Variants in PANK2 observed in about 807,000 individuals in gnomAD.
PANK2 encodes pantothenate kinase 2, mitochondrial.
A neutral mutation model predicts 43.1 loss-of-function variants in PANK2; 36 were observed. The ratio of observed to expected loss-of-function variants is 0.84; its 90% CI spans 0.64 to 1.10. The LOEUF is 1.10. Ranked by LOEUF, PANK2 falls within the 50% of genes least tolerant of loss-of-function variation. The pLI, the probability that PANK2 is intolerant of heterozygous loss-of-function variation, is 0.00. For synonymous variants in PANK2, 281 were observed against 238.2 expected (o/e 1.18, Z -1.66); for missense variants, 576 against 593.3 (o/e 0.97, Z 0.30).
At chr20:3,915,433 G>C (rs1049238493) in intron 4 of PANK2, among the ~76,000 whole-genome samples, 1 of 152,022 alleles carries the variant, frequency 6.6e-6, no homozygotes, top group Admixed American at 6.6e-5. Flanking sequence ...TGAGTAGCTG[G>C]GACTACAGTG....
rs751904701 is a variant in PANK2 at position 3,918,779 on chromosome 20, C to CT, written c.1321dup (p.Ser441PhefsTer15). ...TTGGTCCAAGGGGCAGTTGAAAGCA[C>CT]TTTTTTCGGAACACGAGGTAAGCTG... On this transcript the variant is annotated frameshift_variant, in exon 6 of 7. Coordinates refer to ENST00000610179, the MANE Select transcript of PANK2 (RefSeq NM_001386393.1). LOFTEE classifies it high-confidence loss of function. 6.2e-7 allele frequency: 1 copy of CT among 1,614,178 alleles called. No individual in the cohort carries two copies. The highest frequency in any genetic ancestry group is 8.5e-7 in the Non-Finnish European group (1 of 1,180,036).
chr20:3,918,978 C>G (rs1274760750), intron 6 of PANK2, among the ~76,000 whole-genome samples, 182 bp downstream of exon 6: 1 of 152,164 alleles, frequency 6.6e-6, no homozygotes, highest in East Asian at 1.9e-4. Context: ...AGTCTTGGGG[C>G]TCACTGCAGC....
At position 3,912,552 on chromosome 20, in the gene PANK2, A is replaced by G; in HGVS notation, c.1000A>G (p.Thr334Ala). 1 of 1,614,186 alleles carries G rather than the reference A, an allele frequency of 6.2e-7. No individual in the cohort carries two copies. Among genetic ancestry groups the G allele is most frequent in the Non-Finnish European group, 8.5e-7 (1 of 1,180,050 alleles). The change falls in exon 4 of 7, where the codon ACC becomes GCC. Residue 334 changes from threonine (T) to alanine (A), a missense_variant. Around this residue, in one of 2 missense-constraint regions of PANK2, gnomAD observed 544 missense variants for 528.9 expected, o/e 1.03. Transcript: ENST00000610179. ...TGAAATGGCATCTCGTGGAGATAGC[A>G]CCAAAGTGGATAAACTAGTACGAGA...
upstream of PANK2, chr20:3,888,953 C>A: frequency 1.1e-5 from 6 of 570,840 alleles, no homozygotes; most frequent in South Asian, 6.1e-5. Flanking sequence ...AGCGGCCAGA[C>A]GCTGCGGGAG....
At chr20:3,908,355 A>C in intron 2 of PANK2, 77 bp downstream of exon 2, 2 of 1,303,970 alleles carry the variant, frequency 1.5e-6, no homozygotes, top group Non-Finnish European at 2.1e-6. Context: ...GTGGTGAAAT[A>C]ATTTCCATCT....
In PANK2 at chr20:3,889,392, G is replaced by T; in HGVS notation, c.-39G>T. The T allele has an allele frequency of 6.3e-7, 1 of 1,574,904 alleles. No individual in the cohort carries two copies. Among genetic ancestry groups the T allele is most frequent in the Non-Finnish European group, 8.6e-7 (1 of 1,162,392 alleles). On this transcript the variant is annotated 5_prime_UTR_variant, in exon 1 of 7. Coordinates refer to ENST00000610179, the MANE Select transcript of PANK2 (RefSeq NM_001386393.1). ...CCGGCCGAGGGCGCGCCTCTGCTCT[G>T]GCTGGACTGCCGCGGAGGAGGCGAG... is the stretch of plus-strand genomic sequence containing the variant.
At chr20:3,894,565 T>G (rs2146821690) in intron 1 of PANK2, among the ~76,000 whole-genome samples, 1 of 151,456 alleles carries the variant, frequency 6.6e-6, no homozygotes, top group Non-Finnish European at 1.5e-5. Context: ...ACCTATTGAT[T>G]TATCAACTTT....
Position 3,900,631 on chromosome 20 carries a change from T to TA in PANK2, c.299-7294dup, listed in dbSNP as rs375467271. 1.6e-3 allele frequency among the ~76,000 whole-genome samples: 247 copies of TA among 152,168 alleles called. 2 individuals are homozygous for TA. Among genetic ancestry groups the TA allele is most frequent in the African/African-American group, 5.9e-3 (244 of 41,568 alleles). On this transcript the variant is annotated intron_variant, in intron 1 of 6. Transcript: ENST00000610179. The stretch of plus-strand genomic sequence containing the variant: ...TTTGAGGTATCTTTTTACATCAACA[T>TA]ATACTTGAATTTCTCCTTTTCTCTC...
At chr20:3,894,954 G>A (rs1306194969) in intron 1 of PANK2, among the ~76,000 whole-genome samples, 1 of 152,162 alleles carries the variant, frequency 6.6e-6, no homozygotes, top group African/African-American at 2.4e-5. Context: ...TATCTGGGGA[G>A]ACCATAGCAG....
intron 1 of PANK2, among the ~76,000 whole-genome samples, chr20:3,896,347 G>A (rs1024808921): frequency 4.6e-5 from 7 of 151,504 alleles, no homozygotes; most frequent in African/African-American, 1.7e-4. Context: ...CGAAGTGCTG[G>A]GATTACAAGC....
intron 1 of PANK2, among the ~76,000 whole-genome samples, chr20:3,890,833 ATCT>A (rs1237074507): frequency 1.3e-5 from 2 of 152,110 alleles, no homozygotes; most frequent in African/African-American, 4.8e-5. Flanking sequence ...GTCTTTTTCC[ATCT>A]TCTTGCAACA....
At chr20:3,919,355 T>C (rs779944747) in intron 6 of PANK2, among the ~76,000 whole-genome samples, 4 of 152,216 alleles carry the variant, frequency 2.6e-5, no homozygotes, top group Non-Finnish European at 4.4e-5. Context: ...TCTGATGCCA[T>C]ATTTTTGTCT....
At chr20:3,907,099 CTTTT>C (rs71195867) in intron 1 of PANK2, among the ~76,000 whole-genome samples, 1 of 80,628 alleles carries the variant, frequency 1.2e-5, no homozygotes, top group South Asian at 4.6e-4. Flanking sequence ...CCAGCCCTGC[CTTTT>C]TTTTTTTTTT....
chr20:3,902,468 G>A (rs1163708058), intron 1 of PANK2, among the ~76,000 whole-genome samples: 2 of 151,636 alleles, frequency 1.3e-5, no homozygotes, highest in Admixed American at 1.3e-4. Flanking sequence ...TAGTAGAGGT[G>A]GGGTTTCATC....
rs1428368408 is a variant in PANK2, at chr20:3,923,572, T to C, written c.*278T>C. 1 of 506,524 alleles carries C rather than the reference T, an allele frequency of 2.0e-6. No individual in the cohort carries two copies. Among genetic ancestry groups the C allele is most frequent in the Non-Finnish European group, 3.6e-6 (1 of 280,242 alleles). The allele number at this position is 506,524 out of a possible 1,614,324, so 31.4% of individuals were successfully genotyped here. ...TTGCCTGCTTTGTATTTTTGAAATC[T>C]CTGCATCACTCATTGGAAGTGCTTC... On this transcript the variant is annotated 3_prime_UTR_variant, in exon 7 of 7. Coordinates refer to ENST00000610179, the MANE Select transcript of PANK2 (RefSeq NM_001386393.1).
Position 3,923,691 on chromosome 20 carries a change from A to G in PANK2, c.*397A>G, listed in dbSNP as rs576069426. 1 of 251,166 alleles carries G rather than the reference A, an allele frequency of 4.0e-6. No homozygotes were observed. The highest frequency in any genetic ancestry group is 8.8e-5 in the East Asian group (1 of 11,402). 15.6% of individuals were successfully genotyped at this position (251,166 alleles called of 1,614,324 possible). A position where few individuals can be genotyped will look rare whatever the true frequency, so the allele number is the denominator to read the frequency against. ...GGCTACTATGCGTTATAATCTAATC[A>G]CAATTTGTCAATATGGTCTTGGCAA... On this transcript the variant is annotated 3_prime_UTR_variant, in exon 7 of 7. Coordinates refer to ENST00000610179, the MANE Select transcript of PANK2 (RefSeq NM_001386393.1).
chr20:3,898,711 T>C (rs565463565), intron 1 of PANK2, among the ~76,000 whole-genome samples: 19 of 152,246 alleles, frequency 1.2e-4, no homozygotes, highest in Admixed American at 6.6e-4. Flanking sequence ...TTGGATTAAT[T>C]TCTAATTTTG....
In PANK2 at chr20:3,926,606, C is replaced by G. The variant is rs1568595055; in HGVS notation, c.*3312C>G. The stretch of plus-strand genomic sequence containing the variant: ...CTAGGGGCTTGGGGTGGGGGCAACT[C>G]TTTGCAGGGTGGTGTGGCCTGTGGA... On this transcript the variant is annotated 3_prime_UTR_variant, in exon 7 of 7. Coordinates refer to ENST00000610179, the MANE Select transcript of PANK2 (RefSeq NM_001386393.1). The G allele has an allele frequency of 6.6e-6, 1 of 152,324 alleles. No individual in the cohort carries two copies. Among genetic ancestry groups the G allele is most frequent in the Non-Finnish European group, 1.5e-5 (1 of 68,210 alleles). 9.4% of individuals were successfully genotyped at this position (152,324 alleles called of 1,614,324 possible). A position where few individuals can be genotyped will look rare whatever the true frequency, so the allele number is the denominator to read the frequency against.
intron 6 of PANK2, among the ~76,000 whole-genome samples, chr20:3,920,578 G>A (rs241595): frequency 2.6e-5 from 4 of 151,502 alleles, no homozygotes; most frequent in East Asian, 1.9e-4. Context: ...CAGGTGCAGC[G>A]GCTCACGCCT....
Sources: gnomAD v4.1 joint callset for allele counts (sites outside exome capture counted in the v4.1 genomes callset) on GRCh38, gnomAD v4.1.1 for gene constraint, gnomAD v4.1.1 regional missense constraint, MANE v1.5 for transcripts, NCBI Gene and HGNC (gene_info 2026-07-23, HGNC 2026-07-21) for gene names.